CCBE1: variants seen among roughly 807,000 people sequenced by gnomAD.
CCBE1 encodes collagen and calcium-binding EGF domain-containing protein 1.
In CCBE1, 37 loss-of-function variants were observed where a neutral mutation model predicts 50.0. The observed-to-expected ratio is 0.74, with a 90% CI of 0.57 to 0.97. The LOEUF (loss-of-function observed/expected upper bound fraction) is 0.97, where lower values mean the gene tolerates loss of function less well. Among genes scored for constraint, CCBE1 ranks in the 50% least tolerant of loss-of-function variants. The probability of loss-of-function intolerance (pLI) is 0.00; values close to 1 mark genes in which losing one functional copy is unlikely to be tolerated. For synonymous variants in CCBE1, 234 were observed against 203.7 expected (o/e 1.15, Z -1.27); for missense variants, 538 against 523.8 (o/e 1.03, Z -0.26).
intron 2 of CCBE1, among the ~76,000 whole-genome samples, chr18:59,547,269 G>C (rs1339654153): frequency 1.3e-5 from 2 of 152,044 alleles, no homozygotes; most frequent in African/African-American, 4.8e-5. Flanking sequence ...TTATCTGAGG[G>C]GAGCAGGGAG....
At chr18:59,577,441 G>A (rs1448264172) in intron 2 of CCBE1, among the ~76,000 whole-genome samples, 1 of 152,200 alleles carries the variant, frequency 6.6e-6, no homozygotes, top group Admixed American at 6.5e-5. Context: ...CCTGATTGAT[G>A]GCACTTCTGC....
At chr18:59,468,016 G>A (rs1277674292) in intron 4 of CCBE1, among the ~76,000 whole-genome samples, 1 of 152,212 alleles carries the variant, frequency 6.6e-6, no homozygotes, top group Non-Finnish European at 1.5e-5. Context: ...AGAGAGAGAG[G>A]AGATGAAGTT....
chr18:59,441,569 G>A (rs1256284284), intron 7 of CCBE1, among the ~76,000 whole-genome samples: 1 of 152,080 alleles, frequency 6.6e-6, no homozygotes, highest in African/African-American at 2.4e-5. Context: ...GGACCCAGAT[G>A]TTGGAATAAT....
At position 59,657,662 on chromosome 18, in the gene CCBE1, G is replaced by A. The variant is rs187006509; in HGVS notation, c.212+38967C>T. On this transcript the variant is annotated intron_variant, in intron 2 of 10. Transcript: ENST00000439986. ...ATCCCAGCACTTTGGGATCTGAGGC[G>A]GACAGATCACCTGAGGCCAGGAGTT... Among the ~76,000 whole-genome samples the A allele has an allele frequency of 3.0e-4, 46 of 152,282 alleles. No homozygotes were observed. The East Asian group carries it at 7.9e-3, about 26-fold the overall frequency.
intron 5 of CCBE1, among the ~76,000 whole-genome samples, chr18:59,461,689 A>G (rs576971710): frequency 8.0e-5 from 12 of 150,544 alleles, no homozygotes; most frequent in Admixed American, 6.6e-4. Flanking sequence ...AAGGATGTCA[A>G]TGGAAGAGAA....
At chr18:59,528,771 C>T (rs1914930181) in intron 2 of CCBE1, among the ~76,000 whole-genome samples, 1 of 152,168 alleles carries the variant, frequency 6.6e-6, no homozygotes, top group African/African-American at 2.4e-5. Context: ...GCCTGGGTTC[C>T]TCCTGCACCT....
intron 2 of CCBE1, among the ~76,000 whole-genome samples, chr18:59,547,284 A>G (rs1348200547): frequency 6.6e-6 from 1 of 152,092 alleles, no homozygotes; most frequent in African/African-American, 2.4e-5. Context: ...AGGGAGGTGG[A>G]AAAAATAAGA....
intron 7 of CCBE1, 81 bp from the exon 8 acceptor site, chr18:59,439,897 G>C (rs1598901638): frequency 1.4e-6 from 2 of 1,473,534 alleles, no homozygotes. Context: ...CAGGACCCCT[G>C]CAGCCATTTC....
At chr18:59,693,473 CTT>C (rs1347749092) in intron 2 of CCBE1, among the ~76,000 whole-genome samples, 1 of 152,002 alleles carries the variant, frequency 6.6e-6, no homozygotes, top group Non-Finnish European at 1.5e-5. Context: ...AAAGTGAACA[CTT>C]TAAAAAAGGG....
chr18:59,535,221 G>C (rs1915202576), intron 2 of CCBE1, among the ~76,000 whole-genome samples: 1 of 152,196 alleles, frequency 6.6e-6, no homozygotes, highest in Middle Eastern at 3.2e-3. Context: ...TGTCAACGCT[G>C]GTGAGCTGAG....
At chr18:59,540,986 G>T (rs12960196) in intron 2 of CCBE1, among the ~76,000 whole-genome samples, 1 of 152,278 alleles carries the variant, frequency 6.6e-6, no homozygotes, top group African/African-American at 2.4e-5. Flanking sequence ...CCTAGAGGCA[G>T]GAAGAATCAC....
chr18:59,595,995 A>C (rs963666167), intron 2 of CCBE1, among the ~76,000 whole-genome samples: 1 of 152,232 alleles, frequency 6.6e-6, no homozygotes, highest in African/African-American at 2.4e-5. Flanking sequence ...AACTAAAAAC[A>C]TATCTACAAG....
chr18:59,634,325 A>C (rs1383186572), intron 2 of CCBE1, among the ~76,000 whole-genome samples: 2 of 152,230 alleles, frequency 1.3e-5, no homozygotes, highest in Non-Finnish European at 2.9e-5. Flanking sequence ...CTGTGAATCT[A>C]TCATCACAGA....
At chr18:59,653,999 A>C (rs2054156919) in intron 2 of CCBE1, among the ~76,000 whole-genome samples, 1 of 152,252 alleles carries the variant, frequency 6.6e-6, no homozygotes. Context: ...ACATTCCTAA[A>C]ATATCACATT....
chr18:59,489,693 G>A (rs1423825553), intron 2 of CCBE1, among the ~76,000 whole-genome samples: 3 of 151,990 alleles, frequency 2.0e-5, no homozygotes, highest in East Asian at 3.9e-4. Context: ...GATTATAGAC[G>A]TGAGCCACTG....
intron 6 of CCBE1, among the ~76,000 whole-genome samples, chr18:59,449,610 G>C (rs887762109): frequency 1.6e-5 from 2 of 127,084 alleles, no homozygotes; most frequent in African/African-American, 6.2e-5. Flanking sequence ...CTGGGCAACA[G>C]AGTGAGACTC....
chr18:59,525,769 T>G (rs1398295781), intron 2 of CCBE1, among the ~76,000 whole-genome samples: 1 of 152,220 alleles, frequency 6.6e-6, no homozygotes, highest in Non-Finnish European at 1.5e-5. Context: ...AATTTTTGTT[T>G]AAGGTGTAAT....
At chr18:59,504,665 CA>C (rs1190029656) in intron 2 of CCBE1, among the ~76,000 whole-genome samples, 1 of 152,208 alleles carries the variant, frequency 6.6e-6, no homozygotes, top group Non-Finnish European at 1.5e-5. Context: ...AAGTCCTAGA[CA>C]GTACATTTTG....
At chr18:59,550,657 A>C (rs911320162) in intron 2 of CCBE1, among the ~76,000 whole-genome samples, 1 of 152,156 alleles carries the variant, frequency 6.6e-6, no homozygotes, top group African/African-American at 2.4e-5. Context: ...CAAGAATCCT[A>C]ATGCAAACCC....
Sources: allele counts gnomAD v4.1 joint callset (sites outside exome capture counted in the v4.1 genomes callset), GRCh38; gene constraint gnomAD v4.1.1; transcripts MANE v1.5; gene names NCBI Gene and HGNC (gene_info 2026-07-23, HGNC 2026-07-21).